Variants in MDN1 observed in about 807,000 individuals in gnomAD.
The protein encoded by MDN1 is midasin AAA ATPase 1.
A neutral mutation model predicts 669.2 loss-of-function variants in MDN1; 266 were observed. The observed-to-expected ratio is 0.40, with a 90% CI of 0.36 to 0.44. The LOEUF is 0.44. Ranked by LOEUF, MDN1 falls within the 20% of genes least tolerant of loss-of-function variation. MDN1 has a pLI of 1.00. For synonymous variants in MDN1, 2,385 were observed against 2,457.1 expected (o/e 0.97, Z 0.87); for missense variants, 5,940 against 6,754.0 (o/e 0.88, Z 4.22).
rs1272432218 is a variant in MDN1 at position 89,708,569 on chromosome 6, T to A, written c.7825A>T (p.Asn2609Tyr). 14 of 1,614,062 alleles carry A rather than the reference T, an allele frequency of 8.7e-6. No individual in the cohort carries two copies. The highest frequency in any genetic ancestry group is 1.2e-5 in the Non-Finnish European group (14 of 1,179,924). Reference protein sequence around the residue: ...WNMQALDMIRNLMDFDPQTDQ... With the variant: ...WNMQALDMIRYLMDFDPQTDQ... ...GTTTGTGGGTCAAAGTCCATCAAAT[T>A]TCTAATCATGTCCAGAGCCTGCATA... is the stretch of plus-strand genomic sequence containing the variant. The change falls in exon 51 of 102, where the codon AAT becomes TAT. Residue 2609 changes from asparagine (N) to tyrosine (Y), a missense_variant. Asn to Tyr is a moderately radical substitution (Grantham distance 143). Transcript: ENST00000369393.
In MDN1 at chr6:89,738,916, T is replaced by C. The variant is rs191089134; in HGVS notation, c.4594-461A>G. ...TGAGAGTGTGATTTTAAAAAGTATATATTCTACCTCTTGAATAACAAGAAA... is the reference window on the plus strand; with the variant it reads ...TGAGAGTGTGATTTTAAAAAGTATACATTCTACCTCTTGAATAACAAGAAA... On this transcript the variant is annotated intron_variant, in intron 32 of 101. Coordinates refer to ENST00000369393, the MANE Select transcript of MDN1 (RefSeq NM_014611.3). Among the ~76,000 whole-genome samples, 21 of 152,358 alleles carry C rather than the reference T, an allele frequency of 1.4e-4. 1 individual carries two copies. Among genetic ancestry groups the C allele is most frequent in the African/African-American group, 4.8e-4 (20 of 41,582 alleles).
chr6:89,680,972 C>T (rs1584170942), intron 73 of MDN1, among the ~76,000 whole-genome samples: 1 of 152,288 alleles, frequency 6.6e-6, no homozygotes, highest in African/African-American at 2.4e-5. Context: ...CCCCATGCCC[C>T]TACATCCAGC....
intron 63 of MDN1, among the ~76,000 whole-genome samples, chr6:89,692,136 T>C (rs1480680517): frequency 6.6e-6 from 1 of 152,162 alleles, no homozygotes; most frequent in Non-Finnish European, 1.5e-5. Flanking sequence ...AACATCTTAA[T>C]GCAAGTTGAC....
chr6:89,693,965 C>T, intron 62 of MDN1, 109 bp downstream of exon 62: 1 of 837,124 alleles, frequency 1.2e-6, no homozygotes, highest in Admixed American at 2.1e-5. Flanking sequence ...CATCTAATTG[C>T]TAATGTAGTT....
At chr6:89,652,124 G>T in intron 95 of MDN1, 68 bp downstream of exon 95, 3 of 1,261,530 alleles carry the variant, frequency 2.4e-6, no homozygotes, top group Non-Finnish European at 3.4e-6. Context: ...TATTAAGTTT[G>T]CTATATGTTG....
intron 2 of MDN1, among the ~76,000 whole-genome samples, chr6:89,795,977 G>A (rs111901665): frequency 6.6e-6 from 1 of 151,396 alleles, no homozygotes; most frequent in African/African-American, 2.4e-5. Context: ...CAATAAAGGT[G>A]GGGGGGACAT....
chr6:89,784,303 C>G (rs1444958491), intron 9 of MDN1, among the ~76,000 whole-genome samples: 1 of 151,274 alleles, frequency 6.6e-6, no homozygotes, highest in East Asian at 1.9e-4. Flanking sequence ...GCAACAAGAG[C>G]GAAACTGTTT....
At position 89,680,601 on chromosome 6, in the gene MDN1, C is replaced by A. The variant is rs1811542145; in HGVS notation, c.12253G>T (p.Asp4085Tyr). 6.2e-7 allele frequency: 1 copy of A among 1,614,126 alleles called. No homozygotes were observed. Among genetic ancestry groups the A allele is most frequent in the Non-Finnish European group, 8.5e-7 (1 of 1,179,986 alleles). ...SPLPRLVEGLDQFTGEVISSV... is the reference protein window; with the variant it reads ...SPLPRLVEGLYQFTGEVISSV... ...TGCTGGCACCCACCTGTGAACTGATCAAGGCCCTCCACAAGGCGAGGCAGG... is the reference window on the plus strand; with the variant it reads ...TGCTGGCACCCACCTGTGAACTGATAAAGGCCCTCCACAAGGCGAGGCAGG... The change falls in exon 74 of 102, where the codon GAT becomes TAT. Residue 4085 changes from aspartate to tyrosine, a missense_variant. Transcript: ENST00000369393.
chr6:89,725,835 C>T (rs1377076188), intron 37 of MDN1, among the ~76,000 whole-genome samples: 1 of 151,068 alleles, frequency 6.6e-6, no homozygotes, highest in South Asian at 2.1e-4. Flanking sequence ...CCTTAGCTTC[C>T]CAATGTTAGA....
intron 58 of MDN1, 121 bp downstream of exon 58, chr6:89,699,480 A>G: frequency 8.4e-7 from 1 of 1,195,104 alleles, no homozygotes; most frequent in Non-Finnish European, 1.1e-6. Context: ...CAATTCAAAA[A>G]AACCTGAGGT....
chr6:89,759,564 CA>C (rs1218825730), intron 17 of MDN1, among the ~76,000 whole-genome samples: 3 of 152,026 alleles, frequency 2.0e-5, no homozygotes, highest in Non-Finnish European at 2.9e-5. Context: ...AGGAGTTCGA[CA>C]CCAGCCTGAC....
chr6:89,809,461 T>C (rs1410305632), intron 1 of MDN1, among the ~76,000 whole-genome samples: 2 of 151,826 alleles, frequency 1.3e-5, no homozygotes, highest in Admixed American at 6.6e-5. Flanking sequence ...CAGAACCCCA[T>C]CTCTACAAAT....
intron 33 of MDN1, among the ~76,000 whole-genome samples, chr6:89,734,684 A>AG: frequency 8.5e-6 from 1 of 118,264 alleles, no homozygotes; most frequent in African/African-American, 3.4e-5. Flanking sequence ...AAAAAAAAAA[A>AG]AAAAACAAGA....
At chr6:89,769,953 C>T (rs1817997831) in intron 15 of MDN1, among the ~76,000 whole-genome samples, 1 of 152,060 alleles carries the variant, frequency 6.6e-6, no homozygotes, top group South Asian at 2.1e-4. Context: ...GAGAAATAGA[C>T]CAGGCCTGGT....
chr6:89,711,475 G>A (rs1813912780), intron 49 of MDN1, among the ~76,000 whole-genome samples: 3 of 152,134 alleles, frequency 2.0e-5, no homozygotes, highest in African/African-American at 7.2e-5. Context: ...CATACAGGAG[G>A]ATGTGTGTAG....
intron 83 of MDN1, among the ~76,000 whole-genome samples, chr6:89,669,004 A>C (rs189198178): frequency 2.6e-5 from 4 of 152,384 alleles, no homozygotes; most frequent in Admixed American, 2.6e-4. Flanking sequence ...TACATTATTT[A>C]AATGAGAGAC....
rs374406697 is a variant in MDN1 at position 89,794,778 on chromosome 6, T to C, written c.353A>G (p.Asp118Gly). ...AAGTCTTTGAAAGACTGGGGATGTGTCCTTGAAATATCTCAGGGCAAACCT... is the reference window on the plus strand; with the variant it reads ...AAGTCTTTGAAAGACTGGGGATGTGCCCTTGAAATATCTCAGGGCAAACCT... ...VLPFALRYFK[D>G]TSPVFQRLFL... Residue 118 changes from aspartate to glycine, a missense_variant, in exon 3 of 102, where the codon GAC becomes GGC. Around this residue, in one of 5 missense-constraint regions of MDN1, gnomAD observed 1,203 missense variants for 1,268.9 expected, o/e 0.95. Transcript: ENST00000369393. 2.7e-5 allele frequency: 43 copies of C among 1,614,078 alleles called. No homozygotes were observed. Among genetic ancestry groups the C allele is most frequent in the African/African-American group, 5.3e-5 (4 of 74,944 alleles).
At chr6:89,745,152 A>AAAT in intron 29 of MDN1, 121 bp downstream of exon 29, 4 of 1,018,482 alleles carry the variant, frequency 3.9e-6, no homozygotes, top group Non-Finnish European at 5.2e-6. Flanking sequence ...AAAAAAAAAA[A>AAAT]GAAAAAAGAG....
chr6:89,812,197 G>A (rs1768469542), intron 1 of MDN1, among the ~76,000 whole-genome samples: 1 of 151,806 alleles, frequency 6.6e-6, no homozygotes, highest in Admixed American at 6.6e-5. Flanking sequence ...TGTTGGCCAG[G>A]CTGGTCTCAA....
Sources: gnomAD v4.1 joint callset for allele counts (sites outside exome capture counted in the v4.1 genomes callset) on GRCh38, gnomAD v4.1.1 for gene constraint, gnomAD v4.1.1 regional missense constraint, MANE v1.5 for transcripts, NCBI Gene and HGNC (gene_info 2026-07-23, HGNC 2026-07-21) for gene names.